Variants in PLPP4 observed in about 807,000 individuals in gnomAD.
PLPP4 encodes diacylglycerol pyrophosphate like 2.
In PLPP4, 20 loss-of-function variants were observed where a neutral mutation model predicts 32.2. The observed-to-expected ratio is 0.62, with a 90% CI of 0.44 to 0.90. The LOEUF (loss-of-function observed/expected upper bound fraction) is 0.90, where lower values mean the gene tolerates loss of function less well. PLPP4 is among the 40% of genes least tolerant of loss of function. PLPP4 has a pLI of 0.00. For missense variants in PLPP4, 257 were observed against 353.1 expected (o/e 0.73, Z 2.18); for synonymous variants, 127 against 133.0 (o/e 0.95, Z 0.31).
intron 1 of PLPP4, among the ~76,000 whole-genome samples, chr10:120,495,887 C>T (rs905448604): frequency 6.6e-6 from 1 of 152,236 alleles, no homozygotes; most frequent in Admixed American, 6.5e-5. Context: ...TATGCTGGAC[C>T]CTAACTTATT....
At chr10:120,483,339 G>C (rs934358322) in intron 1 of PLPP4, among the ~76,000 whole-genome samples, 1 of 152,188 alleles carries the variant, frequency 6.6e-6, no homozygotes, top group Non-Finnish European at 1.5e-5. Context: ...GTATGAGTCA[G>C]TTCTCCTGAA....
chr10:120,557,298 A>C (rs1190919907), intron 5 of PLPP4, among the ~76,000 whole-genome samples: 1 of 152,208 alleles, frequency 6.6e-6, no homozygotes, highest in Non-Finnish European at 1.5e-5. Flanking sequence ...GGCCAGTTTC[A>C]TTTATTCTGA....
At chr10:120,504,219 G>A (rs989791594) in intron 2 of PLPP4, among the ~76,000 whole-genome samples, 1 of 152,180 alleles carries the variant, frequency 6.6e-6, no homozygotes, top group Non-Finnish European at 1.5e-5. Context: ...GGTGCTCATC[G>A]CAGATGGAAC....
At chr10:120,547,954 A>G (rs947604952) in intron 5 of PLPP4, among the ~76,000 whole-genome samples, 31 of 152,288 alleles carry the variant, frequency 2.0e-4, no homozygotes, top group Admixed American at 3.9e-4. Flanking sequence ...CTTTCCAAAT[A>G]TGCTGATTTG....
intron 5 of PLPP4, among the ~76,000 whole-genome samples, chr10:120,571,093 C>T (rs1032300346): frequency 3.2e-4 from 46 of 144,660 alleles, no homozygotes; most frequent in African/African-American, 9.8e-4. Flanking sequence ...AGTAAAGGGG[C>T]GTGTGTGTGT....
At chr10:120,564,113 A>G (rs958853464) in intron 5 of PLPP4, among the ~76,000 whole-genome samples, 11 of 152,096 alleles carry the variant, frequency 7.2e-5, no homozygotes, top group Admixed American at 3.3e-4. Context: ...CAATTTAGCT[A>G]TAAATTTTCC....
intron 3 of PLPP4, among the ~76,000 whole-genome samples, chr10:120,516,254 G>T (rs17632879): frequency 6.6e-6 from 1 of 152,100 alleles, no homozygotes; most frequent in East Asian, 1.9e-4. Context: ...GGACTCTATC[G>T]ACCAGGAGGT....
chr10:120,564,537 T>G (rs1848598438), intron 5 of PLPP4, among the ~76,000 whole-genome samples: 2 of 151,930 alleles, frequency 1.3e-5, no homozygotes, highest in African/African-American at 4.8e-5. Context: ...TTTCTGTTTA[T>G]TCTTAATTTG....
chr10:120,532,053 C>T (rs1846762766), intron 5 of PLPP4, among the ~76,000 whole-genome samples: 1 of 152,076 alleles, frequency 6.6e-6, no homozygotes. Flanking sequence ...TAATGCTATC[C>T]CTCCCCTAGC....
chr10:120,504,894 A>G (rs1845424385), intron 2 of PLPP4, among the ~76,000 whole-genome samples: 1 of 152,224 alleles, frequency 6.6e-6, no homozygotes, highest in African/African-American at 2.4e-5. Flanking sequence ...CAACCTCTTG[A>G]GAGTGTCTTG....
chr10:120,458,587 A>T (rs1589697498), intron 1 of PLPP4, among the ~76,000 whole-genome samples: 1 of 152,070 alleles, frequency 6.6e-6, no homozygotes, highest in East Asian at 1.9e-4. Flanking sequence ...CAGAGTATTT[A>T]TTCACACCAT....
chr10:120,521,137 T>C (rs1404474797), intron 5 of PLPP4, 42 bp downstream of exon 5: 3 of 1,607,144 alleles, frequency 1.9e-6, no homozygotes. Context: ...CCCAGTCATG[T>C]TTCCTGCTCA....
chr10:120,575,530 A>G (rs1273506969), intron 6 of PLPP4, among the ~76,000 whole-genome samples: 1 of 152,160 alleles, frequency 6.6e-6, no homozygotes, highest in Non-Finnish European at 1.5e-5. Flanking sequence ...ATGCTCCAGG[A>G]GACTGCTTGA....
chr10:120,586,680 A>G (rs919002239), intron 6 of PLPP4, among the ~76,000 whole-genome samples: 2 of 152,236 alleles, frequency 1.3e-5, no homozygotes, highest in Non-Finnish European at 2.9e-5. Flanking sequence ...CTCAACAAAC[A>G]TAATTATGCT....
intron 5 of PLPP4, among the ~76,000 whole-genome samples, chr10:120,543,373 T>G (rs574587518): frequency 2.8e-4 from 43 of 152,328 alleles, no homozygotes; most frequent in Non-Finnish European, 7.3e-5. Context: ...ATGGTTGGCC[T>G]GTTACCCCTG....
At chr10:120,566,480 A>G (rs1021337799) in intron 5 of PLPP4, among the ~76,000 whole-genome samples, 1 of 152,000 alleles carries the variant, frequency 6.6e-6, no homozygotes, top group African/African-American at 2.4e-5. Context: ...TAGCACAAAG[A>G]TGGAGACAGG....
At chr10:120,506,757 C>G (rs1477572634) in intron 2 of PLPP4, among the ~76,000 whole-genome samples, 1 of 152,172 alleles carries the variant, frequency 6.6e-6, no homozygotes, top group African/African-American at 2.4e-5. Flanking sequence ...GTAATAATGT[C>G]ACTGGAAGCC....
At chr10:120,478,651 G>C (rs1156317870) in intron 1 of PLPP4, among the ~76,000 whole-genome samples, 1 of 152,164 alleles carries the variant, frequency 6.6e-6, no homozygotes, top group Non-Finnish European at 1.5e-5. Context: ...TTACACAAGA[G>C]GTATGTCTCA....
intron 6 of PLPP4, among the ~76,000 whole-genome samples, chr10:120,588,321 TG>T (rs1444211800): frequency 2.0e-5 from 3 of 152,212 alleles, no homozygotes; most frequent in Non-Finnish European, 4.4e-5. Context: ...GGGCTGCCCT[TG>T]GGGCGGAGGG....
Sources: allele counts gnomAD v4.1 joint callset (sites outside exome capture counted in the v4.1 genomes callset), GRCh38; gene constraint gnomAD v4.1.1; transcripts MANE v1.5; gene names NCBI Gene and HGNC (gene_info 2026-07-23, HGNC 2026-07-21).